The following SFXN5 variants were observed in gnomAD, a reference collection of about 807,000 sequenced individuals.
The protein encoded by SFXN5 is sideroflexin-5.
A neutral mutation model predicts 50.2 loss-of-function variants in SFXN5; 43 were observed. That is an observed-to-expected ratio of 0.86 (90% CI 0.67 to 1.11). The LOEUF (loss-of-function observed/expected upper bound fraction) is 1.11, where lower values mean the gene tolerates loss of function less well. Ranked by LOEUF, SFXN5 falls within the 50% of genes least tolerant of loss-of-function variation. The pLI is 0.00. For synonymous variants in SFXN5, 203 were observed against 185.8 expected, an observed-to-expected ratio of 1.09 and a Z score of -0.75; for missense variants, 463 against 454.1, an observed-to-expected ratio of 1.02 and a Z score of -0.18.
intron 10 of SFXN5, among the ~76,000 whole-genome samples, chr2:72,986,306 C>T (rs1177913968): frequency 1.3e-5 from 2 of 152,164 alleles, no homozygotes; most frequent in East Asian, 3.9e-4. Context: ...GACCTCTCAC[C>T]CTCTCACAGG....
intron 6 of SFXN5, among the ~76,000 whole-genome samples, chr2:73,017,334 C>T (rs1193614233): frequency 1.3e-5 from 2 of 151,976 alleles, no homozygotes; most frequent in Non-Finnish European, 2.9e-5. Context: ...TAAACTATTC[C>T]CCTCTCCTAA....
chr2:72,970,966 G>A (rs1325946568), intron 11 of SFXN5, among the ~76,000 whole-genome samples: 4 of 152,142 alleles, frequency 2.6e-5, no homozygotes, highest in Non-Finnish European at 4.4e-5. Flanking sequence ...AGAATTACAG[G>A]CGTGAGCTAC....
At chr2:73,041,675 A>G in intron 2 of SFXN5, 1 of 401,590 alleles carries the variant, frequency 2.5e-6, no homozygotes, top group Non-Finnish European at 5.1e-6. Context: ...AAAAAGAAAA[A>G]AATAGAAAGC....
At chr2:73,059,900 T>G in intron 1 of SFXN5, 1 of 866,722 alleles carries the variant, frequency 1.2e-6, no homozygotes, top group Middle Eastern at 6.2e-4. Context: ...GGATATTCAC[T>G]GCTGCATTCT....
intron 12 of SFXN5, among the ~76,000 whole-genome samples, 193 bp downstream of exon 12, chr2:72,968,255 C>T (rs1284494030): frequency 6.6e-6 from 1 of 151,948 alleles, no homozygotes; most frequent in Non-Finnish European, 1.5e-5. Context: ...AGTAAAAGTC[C>T]AAGAATTCTC....
intron 2 of SFXN5, among the ~76,000 whole-genome samples, chr2:73,050,798 A>G (rs562999396): frequency 5.9e-5 from 9 of 152,334 alleles, no homozygotes; most frequent in Admixed American, 5.9e-4. Flanking sequence ...TCTCCTAAAC[A>G]TGATTTTTTA....
At chr2:73,065,970 A>T (rs949032089) in intron 1 of SFXN5, among the ~76,000 whole-genome samples, 2 of 152,246 alleles carry the variant, frequency 1.3e-5, no homozygotes, top group Admixed American at 6.5e-5. Flanking sequence ...CGGAAGGAAA[A>T]ACAGTGAGTT....
intron 11 of SFXN5, among the ~76,000 whole-genome samples, chr2:72,969,419 A>G (rs1429328726): frequency 1.3e-5 from 2 of 151,152 alleles, no homozygotes; most frequent in African/African-American, 2.4e-5. Flanking sequence ...TTTTAGATGG[A>G]GGTCTTGCTC....
In SFXN5 at chr2:73,040,934, G is replaced by A. The variant is rs1679548159; in HGVS notation, c.172-3C>T. 11 of 1,611,252 alleles carry A rather than the reference G, an allele frequency of 6.8e-6. No individual in the cohort carries two copies. Among genetic ancestry groups the A allele is most frequent in the Non-Finnish European group, 9.3e-6 (11 of 1,179,378 alleles). On this transcript the variant is annotated splice_region_variant and splice_polypyrimidine_tract_variant and intron_variant, in intron 2 of 13. Coordinates refer to ENST00000272433, the MANE Select transcript of SFXN5 (RefSeq NM_144579.3). ...TGCACAGCCTCTCTGAGACGTCTCT[G>A]CAGAAGAAAGAAAAGAGACATTGAG... is the stretch of plus-strand genomic sequence containing the variant.
At chr2:72,988,219 C>A in intron 10 of SFXN5, 39 bp downstream of exon 10, 1 of 1,583,718 alleles carries the variant, frequency 6.3e-7, no homozygotes, top group South Asian at 1.1e-5. Context: ...TCCCCCACAC[C>A]CACCCACAGC....
chr2:72,950,587 G>A lies in SFXN5; in HGVS notation c.946-5488C>T, dbSNP rs1672423175. Reference sequence around the variant, plus strand: ...AGTTGCCTGCTCACCTATATGTGATGTTTCCTCCCCTGTCCACCAAAAACT... The same window carrying A: ...AGTTGCCTGCTCACCTATATGTGATATTTCCTCCCCTGTCCACCAAAAACT... On this transcript the variant is annotated intron_variant, in intron 13 of 13. Coordinates refer to ENST00000272433, the MANE Select transcript of SFXN5 (RefSeq NM_144579.3). This position sits in a 1 kb window ranked among gnomAD's most constrained non-coding sequence, Gnocchi z 4.2. 6.6e-6 allele frequency among the ~76,000 whole-genome samples: 1 copy of A among 152,180 alleles called. No homozygotes were observed. The highest frequency in any genetic ancestry group is 1.5e-5 in the Non-Finnish European group (1 of 68,020).
intron 10 of SFXN5, chr2:72,981,217 G>A (rs1056395453): frequency 1.3e-5 from 2 of 152,040 alleles, no homozygotes; most frequent in African/African-American, 4.8e-5. Flanking sequence ...CTCTTGACGT[G>A]TACAGCCAGA....
intron 6 of SFXN5, among the ~76,000 whole-genome samples, chr2:73,014,689 G>A (rs1338875018): frequency 1.3e-5 from 2 of 152,066 alleles, no homozygotes; most frequent in African/African-American, 4.8e-5. Flanking sequence ...CAATAAAGTT[G>A]TATATGTTTC....
At chr2:73,021,185 C>T (rs1371516201) in intron 5 of SFXN5, among the ~76,000 whole-genome samples, 1 of 152,176 alleles carries the variant, frequency 6.6e-6, no homozygotes, top group Non-Finnish European at 1.5e-5. Context: ...GGTGCAGGGA[C>T]TGGGAAGCAT....
intron 2 of SFXN5, among the ~76,000 whole-genome samples, chr2:73,047,353 G>A (rs1559200522): frequency 7.5e-6 from 1 of 133,636 alleles, no homozygotes; most frequent in Non-Finnish European, 1.6e-5. Flanking sequence ...ACATATATAT[G>A]TGTATATATG....
At position 72,944,740 on chromosome 2, in the gene SFXN5, C is replaced by T. The variant is rs969516591; in HGVS notation, c.*282G>A. 10 of 385,472 alleles carry T rather than the reference C, an allele frequency of 2.6e-5. No homozygotes were observed. The highest frequency in any genetic ancestry group is 6.2e-5 in the African/African-American group (3 of 48,718). The allele number at this position is 385,472 out of a possible 1,614,324, so 23.9% of individuals were successfully genotyped here. A position where few individuals can be genotyped will look rare whatever the true frequency, so the allele number is the denominator to read the frequency against. ...ACCCCATGGGCACTCTACAATTTTTCAGCTTCACACATAATTGTGCTGAGT... is the reference window on the plus strand; with the variant it reads ...ACCCCATGGGCACTCTACAATTTTTTAGCTTCACACATAATTGTGCTGAGT... On this transcript the variant is annotated 3_prime_UTR_variant, in exon 14 of 14. Transcript: ENST00000272433.
Position 72,970,424 on chromosome 2 carries a change from A to T in SFXN5, c.741+1146T>A, listed in dbSNP as rs781304349. Among the ~76,000 whole-genome samples, 26 of 152,190 alleles carry T rather than the reference A, an allele frequency of 1.7e-4. No homozygotes were observed. The South Asian group carries it at 3.5e-3, about 21-fold the overall frequency. ...CCCTAAAAACCTTGGAGGGGCACTGACTTGGAGAGAGCTCTTCCCAGACTA... is the reference window on the plus strand; with the variant it reads ...CCCTAAAAACCTTGGAGGGGCACTGTCTTGGAGAGAGCTCTTCCCAGACTA... On this transcript the variant is annotated intron_variant, in intron 11 of 13. Coordinates refer to ENST00000272433, the MANE Select transcript of SFXN5 (RefSeq NM_144579.3).
At position 73,001,594 on chromosome 2, in the gene SFXN5, A is replaced by G; in HGVS notation, c.358-16T>C. The G allele has an allele frequency of 1.2e-6, 2 of 1,613,950 alleles. No individual in the cohort carries two copies. Among genetic ancestry groups the G allele is most frequent in the East Asian group, 4.5e-5 (2 of 44,880 alleles). On this transcript the variant is annotated splice_polypyrimidine_tract_variant and intron_variant, in intron 6 of 13. Transcript: ENST00000272433. ...GACCGACTACCTATGAGCAAGAGAG[A>G]AGAAATGCTGAAAAAGGCAGAAGAA...
intron 6 of SFXN5, among the ~76,000 whole-genome samples, chr2:73,005,155 G>C (rs1490130273): frequency 6.6e-6 from 1 of 152,122 alleles, no homozygotes; most frequent in East Asian, 1.9e-4. Flanking sequence ...AGGGAAACAG[G>C]AGCCAACAGC....
Sources: allele counts gnomAD v4.1 joint callset (sites outside exome capture counted in the v4.1 genomes callset), GRCh38; gene constraint gnomAD v4.1.1; non-coding constraint Gnocchi (gnomAD v3.1); transcripts MANE v1.5; gene names NCBI Gene and HGNC (gene_info 2026-07-23, HGNC 2026-07-21).